The following GRK5 variants were observed in gnomAD, a reference collection of about 807,000 sequenced individuals.
GRK5 encodes the protein g protein-coupled receptor kinase GRK5.
Under a neutral mutation model 78.4 loss-of-function variants are expected in GRK5, and 40 were observed. The observed-to-expected ratio is 0.51, with a 90% CI of 0.40 to 0.66. GRK5 has a LOEUF of 0.66. Among genes scored for constraint, GRK5 ranks in the 30% least tolerant of loss-of-function variants. The pLI is 0.00. For missense variants in GRK5, 598 were observed against 759.9 expected (o/e 0.79, Z 2.50); for synonymous variants, 289 against 296.8 (o/e 0.97, Z 0.27).
At chr10:119,353,244 C>A (rs1254515371) in intron 2 of GRK5, among the ~76,000 whole-genome samples, 5 of 152,124 alleles carry the variant, frequency 3.3e-5, no homozygotes, top group Non-Finnish European at 7.3e-5. Flanking sequence ...TGGGATACAG[C>A]CCCTGTTTCT....
In GRK5 at chr10:119,452,663, C is replaced by G. The variant is rs572190857; in HGVS notation, c.1405-8C>G. 4.3e-6 allele frequency: 7 copies of G among 1,613,888 alleles called. No individual in the cohort carries two copies. In the South Asian group the frequency reaches 6.6e-5, roughly 15 times the overall value. ...ACATATGTGTGACCGGCCCTCTGCC[C>G]CTGGCAGCCCCGCGCTGTGTACTGT... On this transcript the variant is annotated splice_region_variant and splice_polypyrimidine_tract_variant and intron_variant, in intron 13 of 15. Transcript: ENST00000392870. The surrounding 1 kb of genome is among the most constrained non-coding windows in gnomAD (Gnocchi z 4.4).
chr10:119,274,980 T>C (rs956584250), intron 1 of GRK5, among the ~76,000 whole-genome samples: 3 of 152,226 alleles, frequency 2.0e-5, no homozygotes, highest in African/African-American at 7.2e-5. Flanking sequence ...ATTTGAATTA[T>C]GGTTTAGCCA....
chr10:119,293,722 G>A (rs553974446), intron 1 of GRK5, among the ~76,000 whole-genome samples: 2 of 152,116 alleles, frequency 1.3e-5, no homozygotes, highest in South Asian at 4.2e-4. Context: ...TGGATGCCTG[G>A]GTGGTGCTGC....
At chr10:119,447,707 C>T (rs1231397694) in intron 12 of GRK5, among the ~76,000 whole-genome samples, 1 of 152,150 alleles carries the variant, frequency 6.6e-6, no homozygotes, top group African/African-American at 2.4e-5. Flanking sequence ...CTCGGTGGTG[C>T]CTTCTCTGTC....
intron 2 of GRK5, among the ~76,000 whole-genome samples, chr10:119,367,474 T>C (rs1851467067): frequency 6.6e-6 from 1 of 152,136 alleles, no homozygotes; most frequent in South Asian, 2.1e-4. Context: ...CCAGATTGGG[T>C]CCCAGCGAGT....
rs551464510 is a variant in GRK5 at position 119,357,374 on chromosome 10, G to T, written c.149-23441G>T. Among the ~76,000 whole-genome samples the T allele has an allele frequency of 3.3e-5, 5 of 152,344 alleles. No homozygotes were observed. The South Asian group carries it at 8.3e-4, about 25-fold the overall frequency. ...CTGCAGTTCTGTTCCCAGGGAAGTG[G>T]AAGCTGAGGCACCTGTGGTAAAGCC... On this transcript the variant is annotated intron_variant, in intron 2 of 15. Coordinates refer to ENST00000392870, the MANE Select transcript of GRK5 (RefSeq NM_005308.3).
Position 119,267,399 on chromosome 10 carries a change from G to A in GRK5, c.53-59117G>A, listed in dbSNP as rs540232281. Among the ~76,000 whole-genome samples, 1 of 152,276 alleles carries A rather than the reference G, an allele frequency of 6.6e-6. No homozygotes were observed. The highest frequency in any genetic ancestry group is 1.9e-4 in the East Asian group (1 of 5,178). ...GCCTAGCTGTGTTTTGTTGTCTGGCGCTGCTTTAGATGACCCCTGCTGCTG... is the reference window on the plus strand; with the variant it reads ...GCCTAGCTGTGTTTTGTTGTCTGGCACTGCTTTAGATGACCCCTGCTGCTG... On this transcript the variant is annotated intron_variant, in intron 1 of 15. Transcript: ENST00000392870. The surrounding 1 kb of genome is among the most constrained non-coding windows in gnomAD (Gnocchi z 4.1).
At chr10:119,241,254 G>C (rs187850601) in intron 1 of GRK5, among the ~76,000 whole-genome samples, 1 of 152,148 alleles carries the variant, frequency 6.6e-6, no homozygotes, top group Non-Finnish European at 1.5e-5. Context: ...CAAAGGCCAC[G>C]TGAGGGGTTG....
intron 4 of GRK5, among the ~76,000 whole-genome samples, chr10:119,416,199 G>T (rs1371229794): frequency 6.6e-6 from 1 of 152,260 alleles, no homozygotes; most frequent in Non-Finnish European, 1.5e-5. Flanking sequence ...TTGGGAACCA[G>T]AGCCTCAAAC....
intron 2 of GRK5, among the ~76,000 whole-genome samples, chr10:119,339,355 TG>T (rs1372589117): frequency 6.6e-6 from 1 of 152,212 alleles, no homozygotes; most frequent in Non-Finnish European, 1.5e-5. Flanking sequence ...ACACTTTTAA[TG>T]GTCTCTGCCT....
At chr10:119,305,912 T>G (rs1850265530) in intron 1 of GRK5, among the ~76,000 whole-genome samples, 1 of 152,190 alleles carries the variant, frequency 6.6e-6, no homozygotes, top group South Asian at 2.1e-4. Context: ...GCAAAGGCCC[T>G]GAGGCAGAAA....
intron 8 of GRK5, among the ~76,000 whole-genome samples, chr10:119,434,790 C>T (rs1164828106): frequency 6.6e-6 from 1 of 152,228 alleles, no homozygotes; most frequent in African/African-American, 2.4e-5. Context: ...AGGCAATGCC[C>T]CAGTAGGGAC....
intron 1 of GRK5, among the ~76,000 whole-genome samples, chr10:119,291,932 T>TTTCCTCCTCTTTTTCCTCCTTCTC (rs145820605): frequency 0.65 from 58,087 of 89,370 alleles, 21,954 homozygotes; most frequent in East Asian, 0.85. Context: ...TCCTCCTTCT[T>TTTCCTCCTCTTTTTCCTCCTTCTC]TTCCTCCTCT....
chr10:119,304,437 G>A (rs1295908378), intron 1 of GRK5, among the ~76,000 whole-genome samples: 3 of 152,142 alleles, frequency 2.0e-5, no homozygotes, highest in East Asian at 1.9e-4. Context: ...GATTACAGGC[G>A]TGTGCCATCG....
chr10:119,221,607 A>G (rs1848657601), intron 1 of GRK5, among the ~76,000 whole-genome samples: 1 of 152,164 alleles, frequency 6.6e-6, no homozygotes, highest in South Asian at 2.1e-4. Flanking sequence ...TAAATTCTCT[A>G]ATTTTTAAAG....
At chr10:119,399,397 G>C (rs147616061) in intron 4 of GRK5, among the ~76,000 whole-genome samples, 1 of 152,190 alleles carries the variant, frequency 6.6e-6, no homozygotes, top group Non-Finnish European at 1.5e-5. Context: ...GGAGCTGAGC[G>C]AGTGACTGAG....
chr10:119,337,612 C>T (rs535324826), intron 2 of GRK5, among the ~76,000 whole-genome samples: 1 of 152,026 alleles, frequency 6.6e-6, no homozygotes, highest in Non-Finnish European at 1.5e-5. Flanking sequence ...CTAAGTTTCC[C>T]CCCCACTTTT....
intron 1 of GRK5, among the ~76,000 whole-genome samples, chr10:119,312,035 G>C (rs1850368417): frequency 6.7e-6 from 1 of 150,286 alleles, no homozygotes; most frequent in South Asian, 2.1e-4. Flanking sequence ...TCCTGCCTCA[G>C]CCTCCTGAGT....
intron 1 of GRK5, among the ~76,000 whole-genome samples, chr10:119,300,341 C>G (rs536694553): frequency 5.3e-5 from 8 of 152,284 alleles, no homozygotes; most frequent in African/African-American, 1.7e-4. Context: ...AAGGACTAGC[C>G]ACAACGTTTG....
Sources: allele counts gnomAD v4.1 joint callset (sites outside exome capture counted in the v4.1 genomes callset), GRCh38; gene constraint gnomAD v4.1.1; non-coding constraint Gnocchi (gnomAD v3.1); transcripts MANE v1.5; gene names NCBI Gene and HGNC (gene_info 2026-07-23, HGNC 2026-07-21).